Variants in GAK observed in about 807,000 individuals in gnomAD.
The protein encoded by GAK is cyclin G associated kinase.
Under a neutral mutation model 143.9 loss-of-function variants are expected in GAK, and 79 were observed. The ratio of observed to expected loss-of-function variants is 0.55; its 90% confidence interval spans 0.46 to 0.66. GAK has a LOEUF of 0.66. Ranked by LOEUF, GAK falls within the 30% of genes least tolerant of loss-of-function variation. The probability of loss-of-function intolerance (pLI) is 0.00; values close to 1 mark genes in which losing one functional copy is unlikely to be tolerated. For synonymous variants in GAK, 881 were observed against 765.5 expected, an observed-to-expected ratio of 1.15 and a Z score of -2.49; for missense variants, 1,693 against 1,779.7, an observed-to-expected ratio of 0.95 and a Z score of 0.88.
At chr4:884,198 A>C (rs1482406298) in intron 11 of GAK, 112 bp from the exon 12 acceptor site, 8 of 870,052 alleles carry the variant, frequency 9.2e-6, no homozygotes, top group Admixed American at 2.1e-5. Context: ...CTCACTGTAG[A>C]GGCCGCATCC....
chr4:917,886 T>C (rs984436123), intron 1 of GAK, among the ~76,000 whole-genome samples: 3 of 151,832 alleles, frequency 2.0e-5, no homozygotes, highest in African/African-American at 7.3e-5. Context: ...AAATAGAAAA[T>C]AGAAAACAGA....
intron 15 of GAK, 26 bp from the exon 16 acceptor site, chr4:877,835 A>G (rs1577127382): frequency 6.5e-7 from 1 of 1,549,598 alleles, no homozygotes; most frequent in Admixed American, 2.0e-5. Context: ...CCGCGTCACC[A>G]CGTGACGTGC....
At position 881,965 on chromosome 4, in the gene GAK, C is replaced by T. The variant is rs752168895; in HGVS notation, c.1603G>A (p.Ala535Thr). 4 of 1,600,562 alleles carry T rather than the reference C, an allele frequency of 2.5e-6. No individual in the cohort carries two copies. Among genetic ancestry groups the T allele is most frequent in the African/African-American group, 1.3e-5 (1 of 74,752 alleles). The change falls in exon 15 of 28, where the codon GCC (alanine) becomes ACC (threonine). Residue 535 changes from alanine (A) to threonine (T), a missense_variant. By Grantham distance (58) the Ala-to-Thr change is moderately conservative (BLOSUM62 0). Coordinates refer to ENST00000314167, the MANE Select transcript of GAK (RefSeq NM_005255.4). The part of the protein sequence containing the change: ...FCRLFSTAEA[A>T]VYMFSMKRCP... ...CGCTTCATGCTGAACATGTACACGG[C>T]GGCCTCCGCGGTGCTGAAGAGACGG...
chr4:867,296 C>T lies in GAK; in HGVS notation c.2532G>A (p.Arg844=), dbSNP rs1751377908. 1.2e-6 allele frequency: 2 copies of T among 1,612,446 alleles called. No homozygotes were observed. The highest frequency in any genetic ancestry group is 1.7e-5 in the Admixed American group (1 of 59,870). The change falls in exon 21 of 28, where the codon AGG becomes AGA. Residue 844 remains arginine, a synonymous_variant. Coordinates refer to ENST00000314167, the MANE Select transcript of GAK (RefSeq NM_005255.4). ...CCAGGCCGGGGGGCTCTGGGTCGGC[C>T]CTGGGTTCCTGGCCCTCGCTGGAGA... ...SPISSEGQEP[R]ADPEPPGLAA...
At chr4:928,825 G>T (rs867761108) in intron 1 of GAK, among the ~76,000 whole-genome samples, 2 of 151,930 alleles carry the variant, frequency 1.3e-5, no homozygotes, top group African/African-American at 4.8e-5. Flanking sequence ...GTGCAATGGC[G>T]TGATCTTGGC....
chr4:904,548 T>C (rs1472407929), intron 5 of GAK, 89 bp downstream of exon 5: 2 of 1,320,252 alleles, frequency 1.5e-6, no homozygotes, highest in East Asian at 2.5e-5. Context: ...AGCCGCTACC[T>C]TGAGGTCCCT....
At chr4:885,901 G>A (rs1447296886) in intron 11 of GAK, 1 of 152,274 alleles carries the variant, frequency 6.6e-6, no homozygotes, top group African/African-American at 2.4e-5. Context: ...AGTGTAGCTG[G>A]GACCACAGGT....
chr4:873,054 C>T (rs898883351), intron 18 of GAK, among the ~76,000 whole-genome samples: 5 of 152,170 alleles, frequency 3.3e-5, no homozygotes, highest in African/African-American at 9.7e-5. Flanking sequence ...ACACGCCTCT[C>T]GCCCACAGCG....
chr4:861,794 T>G (rs1226018192), intron 23 of GAK, among the ~76,000 whole-genome samples: 2 of 152,118 alleles, frequency 1.3e-5, no homozygotes, highest in Admixed American at 6.6e-5. Flanking sequence ...CCACTGCCCA[T>G]ACAGAGGAAG....
chr4:903,720 C>T (rs980533601), intron 5 of GAK, among the ~76,000 whole-genome samples: 4 of 134,346 alleles, frequency 3.0e-5, no homozygotes, highest in East Asian at 2.5e-4. Context: ...GGGGGGCGGC[C>T]GAGGAAGGAG....
At chr4:861,916 A>C (rs1750347000) in intron 23 of GAK, among the ~76,000 whole-genome samples, 1 of 152,256 alleles carries the variant, frequency 6.6e-6, no homozygotes, top group Non-Finnish European at 1.5e-5. Flanking sequence ...AAAGAGGTGA[A>C]GACGCTGCAG....
intron 18 of GAK, among the ~76,000 whole-genome samples, chr4:873,064 G>A (rs1463135600): frequency 2.7e-5 from 4 of 145,692 alleles, no homozygotes; most frequent in African/African-American, 7.3e-5. Context: ...CGCCCACAGC[G>A]CAGCCTTGAT....
In GAK at chr4:876,750, G is replaced by C. The variant is rs959986781; in HGVS notation, c.1975-141C>G. 5.6e-6 allele frequency: 4 copies of C among 717,878 alleles called. No homozygotes were observed. In the African/African-American group the frequency reaches 6.9e-5, roughly 12 times the overall value. The allele number at this position is 717,878 out of a possible 1,614,324, so 44.5% of individuals were successfully genotyped here. ...GGACGGCGCCCCCGTGCCACATGTT[G>C]TGGGGGAAGCGGGAGAGGGTCTGTG... is the stretch of plus-strand genomic sequence containing the variant. On this transcript the variant is annotated intron_variant, in intron 17 of 27. Coordinates refer to ENST00000314167, the MANE Select transcript of GAK (RefSeq NM_005255.4).
chr4:849,751 C>T lies in GAK; in HGVS notation c.3858G>A (p.Gln1286=), dbSNP rs1375495788. ...GCTCCATGAAGATCATCTTGGCGTG[C>T]TGCTCGTACGGCTGCCCCGCAGCCT... The part of the protein sequence containing the change: ...PDKAAGQPYE[Q]HAKMIFMELN... Residue 1286 remains glutamine, a synonymous_variant, in exon 28 of 28, where the codon CAG becomes CAA. Transcript: ENST00000314167. 1 of 1,613,292 alleles carries T rather than the reference C, an allele frequency of 6.2e-7. No homozygotes were observed. The highest frequency in any genetic ancestry group is 1.7e-5 in the Admixed American group (1 of 59,954).
chr4:915,074 GCACGGCCCCACACACACAGCCCCAGCGTA>G (rs1202524818), intron 1 of GAK, among the ~76,000 whole-genome samples: 3 of 102,420 alleles, frequency 2.9e-5, no homozygotes, highest in Non-Finnish European at 3.7e-5. Context: ...GTCCCAGCGT[GCACGGCCCCACACACACAGCCCCAGCGTA>G]CACGGCCCCC....
chr4:895,587 C>G (rs1032704902), intron 7 of GAK, among the ~76,000 whole-genome samples: 5 of 152,252 alleles, frequency 3.3e-5, no homozygotes, highest in Non-Finnish European at 7.3e-5. Context: ...GCTGATGGCA[C>G]GGCTGACCCG....
rs145133451 is a variant in GAK at position 854,961 on chromosome 4, C to T, written c.3284-2987G>A. On this transcript the variant is annotated intron_variant, in intron 24 of 27. Coordinates refer to ENST00000314167, the MANE Select transcript of GAK (RefSeq NM_005255.4). ...TCAGGAGGCTGAGGCAGGAGAATGGCGTGAACCCGGTAAGGGAACTTGCAG... is the reference window on the plus strand; with the variant it reads ...TCAGGAGGCTGAGGCAGGAGAATGGTGTGAACCCGGTAAGGGAACTTGCAG... 6.9e-3 allele frequency among the ~76,000 whole-genome samples: 1,043 copies of T among 152,252 alleles called. 9 individuals are homozygous for T. The highest frequency in any genetic ancestry group is 0.023 in the African/African-American group (973 of 41,526).
intron 12 of GAK, 131 bp downstream of exon 12, chr4:883,906 T>C (rs1020349690): frequency 1.1e-6 from 1 of 896,800 alleles, no homozygotes; most frequent in Non-Finnish European, 1.7e-6. Context: ...GGGCCCCAGG[T>C]CACCCCTGTG....
chr4:882,171 G>C (rs1715266989), intron 14 of GAK, 131 bp from the exon 15 acceptor site: 1 of 1,012,202 alleles, frequency 9.9e-7, no homozygotes, highest in Admixed American at 2.5e-5. Flanking sequence ...GCTGGGATAT[G>C]TTTAGGGAGC....
Sources: gnomAD v4.1 joint callset for allele counts (sites outside exome capture counted in the v4.1 genomes callset) on GRCh38, gnomAD v4.1.1 for gene constraint, MANE v1.5 for transcripts, NCBI Gene and HGNC (gene_info 2026-07-23, HGNC 2026-07-21) for gene names.